RAB40B: variants seen among roughly 807,000 people sequenced by gnomAD.
RAB40B encodes RAB40B, member RAS oncogene family, also known as ras-related protein Rab-40B.
RAB40B carries 21 observed loss-of-function variants against 24.0 expected under a neutral mutation model. That is an observed-to-expected ratio of 0.88 (90% CI 0.62 to 1.26). RAB40B has a LOEUF of 1.26. RAB40B is among the 50% of genes most tolerant of loss of function. The probability of loss-of-function intolerance (pLI) is 0.00; values close to 1 mark genes in which losing one functional copy is unlikely to be tolerated. For missense variants in RAB40B, 348 were observed against 390.5 expected, an observed-to-expected ratio of 0.89 and a Z score of 0.92; for synonymous variants, 167 against 169.8, an observed-to-expected ratio of 0.98 and a Z score of 0.13.
intron 1 of RAB40B, among the ~76,000 whole-genome samples, chr17:82,670,822 C>T (rs903628585): frequency 6.6e-5 from 10 of 152,108 alleles, no homozygotes; most frequent in East Asian, 1.9e-4. Flanking sequence ...TGTGAGGTAC[C>T]GCGCCCGGCT....
intron 1 of RAB40B, among the ~76,000 whole-genome samples, chr17:82,677,679 G>A (rs1598308543): frequency 6.6e-6 from 1 of 152,334 alleles, no homozygotes; most frequent in African/African-American, 2.4e-5. Context: ...GCACCCAAGC[G>A]TTTGGGGTTT....
intron 1 of RAB40B, among the ~76,000 whole-genome samples, chr17:82,694,082 C>CAA (rs34066713): frequency 2.5e-5 from 3 of 118,934 alleles, no homozygotes; most frequent in African/African-American, 7.3e-5. Flanking sequence ...GACTCCATCT[C>CAA]AAAAAAAAAA....
intron 1 of RAB40B, among the ~76,000 whole-genome samples, chr17:82,682,130 C>G (rs988160404): frequency 6.6e-6 from 1 of 151,788 alleles, no homozygotes; most frequent in African/African-American, 2.4e-5. Context: ...TGCACACACA[C>G]ACACACACAG....
In RAB40B at chr17:82,675,125, T is replaced by G. The variant is rs527382210; in HGVS notation, c.143-10569A>C. Among the ~76,000 whole-genome samples, 165 of 152,248 alleles carry G rather than the reference T, an allele frequency of 1.1e-3. 1 individual carries two copies. Among genetic ancestry groups the G allele is most frequent in the African/African-American group, 3.9e-3 (160 of 41,542 alleles). ...CTAAACTGGGAAAAGCTACAAAGGA[T>G]GCATTTTCACATCTTCCCCAAGCAA... On this transcript the variant is annotated intron_variant, in intron 1 of 5. Coordinates refer to ENST00000571995, the MANE Select transcript of RAB40B (RefSeq NM_006822.3). This position sits in a 1 kb window ranked among gnomAD's most constrained non-coding sequence, Gnocchi z 4.5.
At position 82,658,613 on chromosome 17, in the gene RAB40B, A is replaced by G. The variant is rs751497719; in HGVS notation, c.443T>C (p.Leu148Pro). Residue 148 changes from leucine (L) to proline (P), a missense_variant, in exon 5 of 6, where the codon CTG becomes CCG. Leu to Pro is a moderately conservative substitution (Grantham distance 98). Transcript: ENST00000571995. ...GCTGACCTCAAAGAAGGTCACGCCC[A>G]GGCGCTCGGCGTAGGCCTGGGCCTG... is the stretch of plus-strand genomic sequence containing the variant. ...TEQAQAYAER[L>P]GVTFFEVSPL... The G allele has an allele frequency of 1.2e-6, 2 of 1,613,390 alleles. No individual in the cohort carries two copies. The highest frequency in any genetic ancestry group is 1.7e-6 in the Non-Finnish European group (2 of 1,179,990).
Position 82,659,626 on chromosome 17 carries a change from C to A in RAB40B, c.296G>T (p.Arg99Leu). 1 of 1,614,138 alleles carries A rather than the reference C, an allele frequency of 6.2e-7. No individual in the cohort carries two copies. The highest frequency in any genetic ancestry group is 8.5e-7 in the Non-Finnish European group (1 of 1,180,022). The part of the protein sequence containing the change: ...GVILVYDIAN[R>L]WSFDGIDRWI... ...TCGATCAATGCCGTCAAAAGACCAG[C>A]GGTTCGCAATGTCATAGACCAGGAT... The change falls in exon 4 of 6, where the codon CGC (arginine) becomes CTC (leucine). Residue 99 changes from arginine (R) to leucine (L), a missense_variant. Arg to Leu is a moderately radical substitution (Grantham distance 102). Around this residue, in one of 3 missense-constraint regions of RAB40B, gnomAD observed 126 missense variants for 181.0 expected, o/e 0.70. Coordinates refer to ENST00000571995, the MANE Select transcript of RAB40B (RefSeq NM_006822.3).
chr17:82,698,522 C>A lies in RAB40B; in HGVS notation c.75G>T (p.Val25=). 1 of 1,531,024 alleles carries A rather than the reference C, an allele frequency of 6.5e-7. No homozygotes were observed. Among genetic ancestry groups the A allele is most frequent in the Non-Finnish European group, 8.8e-7 (1 of 1,134,776 alleles). 94.8% of individuals were successfully genotyped at this position (1,531,024 alleles called of 1,614,324 possible). ...GGCTCGCCAGGATCTCGCCCTTGCC[C>A]ACGTCGCTGTCGCCCACCAGCAGGA... is the stretch of plus-strand genomic sequence containing the variant. The part of the protein sequence containing the change: ...LKFLLVGDSD[V]GKGEILASLQ... The change falls in exon 1 of 6, where the codon GTG becomes GTT. Residue 25 remains valine (V), a synonymous_variant. Transcript: ENST00000571995.
At chr17:82,670,108 A>C (rs1395659708) in intron 1 of RAB40B, among the ~76,000 whole-genome samples, 1 of 148,778 alleles carries the variant, frequency 6.7e-6, no homozygotes, top group East Asian at 2.0e-4. Flanking sequence ...AGATTAATCC[A>C]CTGCCTGAGC....
chr17:82,691,960 G>A (rs112251068), intron 1 of RAB40B, among the ~76,000 whole-genome samples: 2,804 of 152,330 alleles, frequency 0.018, 77 homozygotes, highest in African/African-American at 0.064. Flanking sequence ...TGTGAGGTGT[G>A]TTGCAGAACA....
At chr17:82,672,844 C>G (rs1332598654) in intron 1 of RAB40B, among the ~76,000 whole-genome samples, 1 of 152,190 alleles carries the variant, frequency 6.6e-6, no homozygotes, top group East Asian at 1.9e-4. Context: ...ACAGCTGAAC[C>G]ACCATATGGT....
intron 3 of RAB40B, among the ~76,000 whole-genome samples, chr17:82,660,364 C>T (rs564968792): frequency 3.3e-5 from 5 of 152,056 alleles, no homozygotes; most frequent in Non-Finnish European, 7.4e-5. Flanking sequence ...CACACACACA[C>T]GCACAGGCAC....
intron 1 of RAB40B, chr17:82,696,579 C>A (rs1353285214): frequency 1.8e-5 from 3 of 166,042 alleles, no homozygotes; most frequent in African/African-American, 4.8e-5. Flanking sequence ...GGCGCTCAAT[C>A]TCCAGCCCTG....
intron 2 of RAB40B, chr17:82,661,824 T>G (rs1598295299): frequency 1.4e-6 from 1 of 732,682 alleles, no homozygotes; most frequent in Non-Finnish European, 1.7e-6. Context: ...CAGGCGGAGG[T>G]TGCAGTGAGC....
chr17:82,676,354 C>A (rs2046394296), intron 1 of RAB40B, among the ~76,000 whole-genome samples: 1 of 148,976 alleles, frequency 6.7e-6, no homozygotes, highest in South Asian at 2.2e-4. Flanking sequence ...CCTCCCCTCA[C>A]CCCACACAGT....
At chr17:82,682,304 G>C (rs2046455761) in intron 1 of RAB40B, among the ~76,000 whole-genome samples, 1 of 152,006 alleles carries the variant, frequency 6.6e-6, no homozygotes, top group Non-Finnish European at 1.5e-5. Context: ...AAATTAAATA[G>C]CACTAGGTAC....
chr17:82,684,659 G>C (rs900242786), intron 1 of RAB40B, among the ~76,000 whole-genome samples: 1 of 152,184 alleles, frequency 6.6e-6, no homozygotes, highest in South Asian at 2.1e-4. Flanking sequence ...GCTGCTGAGT[G>C]ACCGGAGCCA....
At chr17:82,698,355 G>A (rs1352218630) in intron 1 of RAB40B, 100 bp downstream of exon 1, 9 of 685,952 alleles carry the variant, frequency 1.3e-5, no homozygotes, top group African/African-American at 2.3e-5. Flanking sequence ...GCCCGGTCTC[G>A]CGTCCCCGGA....
At position 82,697,655 on chromosome 17, in the gene RAB40B, G is replaced by A. The variant is rs1356697226; in HGVS notation, c.142+800C>T. Among the ~76,000 whole-genome samples, 1 of 152,206 alleles carries A rather than the reference G, an allele frequency of 6.6e-6. No homozygotes were observed. Among genetic ancestry groups the A allele is most frequent in the Non-Finnish European group, 1.5e-5 (1 of 68,040 alleles). On this transcript the variant is annotated intron_variant, in intron 1 of 5. Transcript: ENST00000571995. The surrounding 1 kb of genome is among the most constrained non-coding windows in gnomAD (Gnocchi z 4.9). ...CTCCTCACTCCCAGCCGAGGTGTTC[G>A]CCTCTGCGCGTTCCCCCTTCTCCTG...
At chr17:82,658,175 C>A (rs1251921778) in intron 5 of RAB40B, 41 bp from the exon 6 acceptor site, 1 of 1,587,756 alleles carries the variant, frequency 6.3e-7, no homozygotes, top group Non-Finnish European at 8.6e-7. Flanking sequence ...TGGATGTCCC[C>A]ACCTGGGCTG....
Sources: gnomAD v4.1 joint callset for allele counts (sites outside exome capture counted in the v4.1 genomes callset) on GRCh38, gnomAD v4.1.1 for gene constraint, gnomAD v4.1.1 regional missense constraint, Gnocchi (gnomAD v3.1) non-coding constraint, MANE v1.5 for transcripts, NCBI Gene and HGNC (gene_info 2026-07-23, HGNC 2026-07-21) for gene names.